GVQW3: variants seen among roughly 807,000 people sequenced by gnomAD.
GVQW3 encodes the protein protein GVQW3.
A neutral mutation model predicts 12.5 loss-of-function variants in GVQW3; 7 were observed. The observed-to-expected ratio is 0.56, with a 90% confidence interval of 0.32 to 1.05. The LOEUF (loss-of-function observed/expected upper bound fraction) is 1.05, where lower values mean the gene tolerates loss of function less well. Ranked by LOEUF, GVQW3 falls within the 50% of genes least tolerant of loss-of-function variation. The pLI, the probability that GVQW3 is intolerant of heterozygous loss-of-function variation, is 0.04. For synonymous variants in GVQW3, 71 were observed against 67.2 expected (o/e 1.06, Z -0.28); for missense variants, 188 against 190.8 (o/e 0.99, Z 0.09).
Position 76,403,662 on chromosome 11 carries a change from A to C in GVQW3, c.468A>C (p.Arg156Ser). The change falls in exon 2 of 2, where the codon AGA becomes AGC. Residue 156 changes from arginine (R) to serine (S), a missense_variant and splice_region_variant. Arg to Ser is a moderately radical substitution (Grantham distance 110). Coordinates refer to ENST00000529331, the MANE Select transcript of GVQW3 (RefSeq NM_001347885.2). Reference protein sequence around the residue: ...RKNSSCLRKKRRNLTMLPRLV... With the variant: ...RKNSSCLRKKSRNLTMLPRLV... ...TTTTTTATTTTTATTTTTTGTAGAGACGGAACCTCACTATGTTGCCCAGGC... is the reference window on the plus strand; with the variant it reads ...TTTTTTATTTTTATTTTTTGTAGAGCCGGAACCTCACTATGTTGCCCAGGC... The C allele has an allele frequency of 2.2e-6, 1 of 447,210 alleles. No individual in the cohort carries two copies. The allele number at this position is 447,210 out of a possible 1,614,324, so 27.7% of individuals were successfully genotyped here.
intron 1 of GVQW3, among the ~76,000 whole-genome samples, chr11:76,398,817 G>A (rs1946962415): frequency 6.6e-6 from 1 of 152,168 alleles, no homozygotes; most frequent in Non-Finnish European, 1.5e-5. Context: ...ACTTTCAGCA[G>A]GTTTCTGTGA....
At chr11:76,396,402 C>A (rs530311912) in intron 1 of GVQW3, among the ~76,000 whole-genome samples, 12 of 152,030 alleles carry the variant, frequency 7.9e-5, no homozygotes, top group African/African-American at 2.7e-4. Context: ...GCAAACTACG[C>A]TTCCCGGGCT....
chr11:76,386,137 T>C (rs1429127002), intron 1 of GVQW3, among the ~76,000 whole-genome samples: 1 of 152,202 alleles, frequency 6.6e-6, no homozygotes, highest in African/African-American at 2.4e-5. Context: ...AAAGTCCACA[T>C]GGAATGTTTT....
chr11:76,390,826 TAA>T (rs11353114), intron 1 of GVQW3, among the ~76,000 whole-genome samples: 196 of 142,546 alleles, frequency 1.4e-3, no homozygotes, highest in Middle Eastern at 3.5e-3. Flanking sequence ...GACTCCGTCT[TAA>T]AAAAAAAAAA....
chr11:76,391,919 A>T (rs1946896169), intron 1 of GVQW3, among the ~76,000 whole-genome samples: 1 of 152,096 alleles, frequency 6.6e-6, no homozygotes, highest in African/African-American at 2.4e-5. Context: ...GTGCCATTGC[A>T]CTCCAGCCCG....
At chr11:76,382,356 G>C in intron 1 of GVQW3, 63 bp downstream of exon 1, 1 of 1,060,428 alleles carries the variant, frequency 9.4e-7, no homozygotes, top group South Asian at 1.3e-5. Context: ...TGCCCCTGCC[G>C]GTATCCCATC....
chr11:76,408,244 A>G (rs1947060326), downstream of GVQW3: 1 of 152,210 alleles, frequency 6.6e-6, no homozygotes, highest in Admixed American at 6.5e-5. Flanking sequence ...AAGAGCTATC[A>G]CGGAGGTTTT....
At chr11:76,402,215 G>A (rs543158263) in intron 1 of GVQW3, among the ~76,000 whole-genome samples, 1 of 152,232 alleles carries the variant, frequency 6.6e-6, no homozygotes, top group East Asian at 1.9e-4. Context: ...CATTTCTGAT[G>A]TCTAGAAATT....
chr11:76,384,191 ACAGCTC>A (rs1456644901), intron 1 of GVQW3, among the ~76,000 whole-genome samples: 3 of 152,270 alleles, frequency 2.0e-5, no homozygotes, highest in Non-Finnish European at 4.4e-5. Context: ...TTTAGATATA[ACAGCTC>A]CTCTTAAACA....
chr11:76,413,807 T>C (rs930421211), exon 2 of GVQW3: 1 of 150,806 alleles, frequency 6.6e-6, no homozygotes, highest in Non-Finnish European at 1.5e-5. Flanking sequence ...GATGAAACTT[T>C]TGTTTTTGTC....
At chr11:76,393,354 A>G (rs1007092562) in intron 1 of GVQW3, among the ~76,000 whole-genome samples, 8 of 151,998 alleles carry the variant, frequency 5.3e-5, no homozygotes, top group Non-Finnish European at 8.8e-5. Flanking sequence ...TTTGACCCTG[A>G]CATCCTGGCA....
downstream of GVQW3, chr11:76,410,878 C>A (rs2187468): frequency 0.93 from 142,320 of 152,306 alleles, 66,603 homozygotes; most frequent in African/African-American, 0.98. Flanking sequence ...ACGGTCGATG[C>A]ATTTTCAACG....
chr11:76,408,736 C>T (rs144104017), downstream of GVQW3: 78 of 152,280 alleles, frequency 5.1e-4, no homozygotes, highest in African/African-American at 1.8e-3. Context: ...AACCTGCGAA[C>T]GAGCATCACA....
At chr11:76,402,140 G>A (rs1004362074) in intron 1 of GVQW3, among the ~76,000 whole-genome samples, 4 of 152,180 alleles carry the variant, frequency 2.6e-5, no homozygotes, top group African/African-American at 9.7e-5. Flanking sequence ...CTATATCTGA[G>A]TCTGAGGTCC....
intron 1 of GVQW3, among the ~76,000 whole-genome samples, chr11:76,398,069 A>G (rs538446071): frequency 3.4e-5 from 5 of 147,640 alleles, no homozygotes; most frequent in Admixed American, 2.1e-4. Context: ...CAGGAGGCAG[A>G]GGTTGTAGTG....
At chr11:76,387,297 G>T (rs1208069649) in intron 1 of GVQW3, among the ~76,000 whole-genome samples, 1 of 151,986 alleles carries the variant, frequency 6.6e-6, no homozygotes, top group Non-Finnish European at 1.5e-5. Context: ...TTAGCCGGGC[G>T]TGGTGGTGTG....
At position 76,390,676 on chromosome 11, in the gene GVQW3, A is replaced by G. The variant is rs142835768; in HGVS notation, c.465+8383A>G. On this transcript the variant is annotated intron_variant, in intron 1 of 1. Coordinates refer to ENST00000529331, the MANE Select transcript of GVQW3 (RefSeq NM_001347885.2). ...GTCTCTACTAAAAAAATACGAAAAAAATTAGCCGGGCGCGGTGGCGGGCGC... is the reference window on the plus strand; with the variant it reads ...GTCTCTACTAAAAAAATACGAAAAAGATTAGCCGGGCGCGGTGGCGGGCGC... Among the ~76,000 whole-genome samples, 1,354 of 152,226 alleles carry G rather than the reference A, an allele frequency of 8.9e-3. 20 individuals are homozygous for G. Among genetic ancestry groups the G allele is most frequent in the African/African-American group, 0.031 (1,303 of 41,526 alleles).
At chr11:76,411,950 C>T (rs1410608800), downstream of GVQW3, 3 of 152,212 alleles carry the variant, frequency 2.0e-5, no homozygotes, top group Non-Finnish European at 4.4e-5. Context: ...GCTGAAATCT[C>T]TGGAATATGG....
chr11:76,383,781 A>G (rs34124691), intron 1 of GVQW3: 1 of 150,816 alleles, frequency 6.6e-6, no homozygotes, highest in Admixed American at 6.6e-5. Context: ...CTGTCCCAAA[A>G]AAAAAAAAAA....
Sources: allele counts gnomAD v4.1 joint callset (sites outside exome capture counted in the v4.1 genomes callset), GRCh38; gene constraint gnomAD v4.1.1; transcripts MANE v1.5; gene names NCBI Gene and HGNC (gene_info 2026-07-23, HGNC 2026-07-21).